Variants in NRXN3 observed in about 807,000 individuals in gnomAD.
NRXN3 encodes neurexin III.
A neutral mutation model predicts 137.6 loss-of-function variants in NRXN3; 32 were observed. The observed-to-expected ratio is 0.23, with a 90% CI of 0.18 to 0.31. The LOEUF (loss-of-function observed/expected upper bound fraction) is 0.31. Ranked by LOEUF, NRXN3 falls within the 10% of genes least tolerant of loss-of-function variation. The pLI, the probability that NRXN3 is intolerant of heterozygous loss-of-function variation, is 1.00. For missense variants in NRXN3, 1,574 were observed against 2,062.5 expected (o/e 0.76, Z 4.59); for synonymous variants, 798 against 784.5 (o/e 1.02, Z -0.29).
chr14:78,262,906 CA>C (rs1299859324), intron 2 of NRXN3, among the ~76,000 whole-genome samples: 11 of 152,308 alleles, frequency 7.2e-5, no homozygotes, highest in African/African-American at 2.6e-4. Context: ...TCCCATTTTA[CA>C]GATGAGGAGA....
intron 15 of NRXN3, among the ~76,000 whole-genome samples, chr14:79,206,983 A>T (rs954484468): frequency 1.3e-5 from 2 of 152,162 alleles, no homozygotes; most frequent in African/African-American, 4.8e-5. Context: ...CAAGTTACAG[A>T]TGTTAGCCTG....
intron 1 of NRXN3, among the ~76,000 whole-genome samples, chr14:78,183,023 A>C (rs1227791415): frequency 1.3e-5 from 2 of 152,026 alleles, no homozygotes; most frequent in Non-Finnish European, 2.9e-5. Flanking sequence ...TAATGCTAAC[A>C]ATGGCAGGTT....
chr14:79,151,493 T>C (rs2153033633), intron 15 of NRXN3, among the ~76,000 whole-genome samples: 1 of 152,182 alleles, frequency 6.6e-6, no homozygotes, highest in Middle Eastern at 3.4e-3. Flanking sequence ...CAATACTGAT[T>C]GATGCCACGA....
chr14:79,733,571 C>G (rs1230737469), intron 19 of NRXN3, among the ~76,000 whole-genome samples: 1 of 152,050 alleles, frequency 6.6e-6, no homozygotes, highest in Non-Finnish European at 1.5e-5. Context: ...TGAGAGCAGA[C>G]AGTTTCTCAA....
intron 15 of NRXN3, among the ~76,000 whole-genome samples, chr14:79,324,197 C>G (rs781774574): frequency 2.6e-5 from 4 of 152,094 alleles, no homozygotes; most frequent in Non-Finnish European, 5.9e-5. Context: ...CAGAATCAGG[C>G]CTATAAGAAG....
At chr14:78,456,990 T>C in intron 4 of NRXN3, among the ~76,000 whole-genome samples, 1 of 145,182 alleles carries the variant, frequency 6.9e-6, no homozygotes, top group Admixed American at 7.0e-5. Context: ...CTCCTTCTCC[T>C]CTTCTTCTTT....
At chr14:79,422,697 C>CTTTTTT (rs1185262366) in intron 15 of NRXN3, among the ~76,000 whole-genome samples, 1 of 130,156 alleles carries the variant, frequency 7.7e-6, no homozygotes, top group Non-Finnish European at 1.6e-5. Context: ...GTTCCACATT[C>CTTTTTT]TTTTTTTTTT....
At chr14:79,424,290 TATTA>T (rs577513469) in intron 15 of NRXN3, among the ~76,000 whole-genome samples, 6 of 152,202 alleles carry the variant, frequency 3.9e-5, no homozygotes, top group Non-Finnish European at 7.3e-5. Flanking sequence ...TCTTAACAAA[TATTA>T]ATTCTACAAA....
intron 4 of NRXN3, among the ~76,000 whole-genome samples, chr14:78,344,934 C>T (rs1017211306): frequency 2.0e-5 from 3 of 152,158 alleles, no homozygotes; most frequent in Non-Finnish European, 2.9e-5. Flanking sequence ...ACTGCACTAA[C>T]AACTTTGTCA....
intron 15 of NRXN3, among the ~76,000 whole-genome samples, chr14:79,112,667 G>C (rs2152890832): frequency 6.6e-6 from 1 of 152,310 alleles, no homozygotes; most frequent in Non-Finnish European, 1.5e-5. Context: ...AATGTGAAAT[G>C]CAGTACCTTG....
At chr14:78,615,132 A>T in intron 4 of NRXN3, 1 of 456,352 alleles carries the variant, frequency 2.2e-6, no homozygotes, top group Non-Finnish European at 4.4e-6. Context: ...CACAATGGTC[A>T]TATTACCATG....
intron 8 of NRXN3, among the ~76,000 whole-genome samples, chr14:78,759,464 G>A (rs1245037374): frequency 6.6e-6 from 1 of 152,184 alleles, no homozygotes; most frequent in Non-Finnish European, 1.5e-5. Flanking sequence ...ATTGTAAGCA[G>A]AGGAGTAAAT....
At position 78,778,698 on chromosome 14, in the gene NRXN3, CTTT is replaced by C. The variant is rs547049381; in HGVS notation, c.2045-24921_2045-24919del. The stretch of plus-strand genomic sequence containing the variant: ...TTTTCTTTTCTTTCTTTCTTTCTTT[CTTT>C]CTTTCTTTCTTTCTTTCTTTCTTTC... On this transcript the variant is annotated intron_variant, in intron 8 of 20. Transcript: ENST00000335750. 5.2e-3 allele frequency among the ~76,000 whole-genome samples: 751 copies of C among 145,120 alleles called. 6 individuals carry two copies. The highest frequency in any genetic ancestry group is 0.024 in the South Asian group (105 of 4,436).
At chr14:78,784,579 G>A (rs2098782537) in intron 8 of NRXN3, among the ~76,000 whole-genome samples, 1 of 152,222 alleles carries the variant, frequency 6.6e-6, no homozygotes, top group East Asian at 1.9e-4. Context: ...TGGTGAGCCA[G>A]CCAAGGAGTA....
At chr14:79,148,624 G>A (rs1261645327) in intron 15 of NRXN3, among the ~76,000 whole-genome samples, 5 of 152,112 alleles carry the variant, frequency 3.3e-5, no homozygotes, top group East Asian at 1.9e-4. Context: ...CTCAGCCTGC[G>A]AATTAAAAAC....
At chr14:79,640,080 C>A (rs1323866487) in intron 16 of NRXN3, among the ~76,000 whole-genome samples, 1 of 135,050 alleles carries the variant, frequency 7.4e-6, no homozygotes, top group African/African-American at 2.5e-5. Context: ...ATAATTTGTC[C>A]AATAAATGAA....
chr14:79,041,679 C>T (rs1206697772), intron 15 of NRXN3, among the ~76,000 whole-genome samples: 1 of 152,114 alleles, frequency 6.6e-6, no homozygotes, highest in Non-Finnish European at 1.5e-5. Flanking sequence ...CTTTCTGGAA[C>T]ATTAAACTTA....
In NRXN3 at chr14:78,896,170, A is replaced by G. The variant is rs1242373879; in HGVS notation, c.2276-61072A>G. On this transcript the variant is annotated intron_variant, in intron 10 of 20. Coordinates refer to ENST00000335750, the MANE Select transcript of NRXN3 (RefSeq NM_001330195.2). Reference sequence around the variant, plus strand: ...ATGCAAAAAAGTGAAGCACAAAAAAACTAGGTATGCTTGTGATAGGTTTCT... The same window carrying G: ...ATGCAAAAAAGTGAAGCACAAAAAAGCTAGGTATGCTTGTGATAGGTTTCT... Among the ~76,000 whole-genome samples the G allele has an allele frequency of 3.9e-5, 6 of 152,020 alleles. No individual in the cohort carries two copies. The East Asian group carries it at 9.7e-4, about 25-fold the overall frequency.
At chr14:79,697,160 A>G (rs1336781287) in intron 18 of NRXN3, among the ~76,000 whole-genome samples, 1 of 151,954 alleles carries the variant, frequency 6.6e-6, no homozygotes, top group Non-Finnish European at 1.5e-5. Flanking sequence ...TAATTATCAG[A>G]CCTGGTTTTT....
Sources: gnomAD v4.1 joint callset for allele counts (sites outside exome capture counted in the v4.1 genomes callset) on GRCh38, gnomAD v4.1.1 for gene constraint, MANE v1.5 for transcripts, NCBI Gene and HGNC (gene_info 2026-07-23, HGNC 2026-07-21) for gene names.